The following RP1 variants were observed in gnomAD, a reference collection of about 807,000 sequenced individuals.
RP1 encodes RP1 axonemal microtubule associated.
A neutral mutation model predicts 14.8 loss-of-function variants in RP1; 16 were observed. The observed-to-expected ratio is 1.08, with a 90% CI of 0.73 to 1.65. The LOEUF is 1.65. Ranked by LOEUF, RP1 falls within the 40% of genes most tolerant of loss-of-function variation. The pLI is 0.00. For missense variants in RP1, 2,631 were observed against 2,535.0 expected (o/e 1.04, Z -0.81); for synonymous variants, 876 against 883.6 (o/e 0.99, Z 0.15).
intron 6 of RP1, among the ~76,000 whole-genome samples, chr8:54,659,137 A>G (rs911255873): frequency 3.9e-5 from 6 of 152,154 alleles, no homozygotes; most frequent in African/African-American, 1.2e-4. Flanking sequence ...CTCATCAGAT[A>G]TATGATTGGG....
At chr8:54,741,746 T>TATAG (rs1214749376) in intron 19 of RP1, among the ~76,000 whole-genome samples, 2 of 140,454 alleles carry the variant, frequency 1.4e-5, no homozygotes, top group Non-Finnish European at 3.1e-5. Flanking sequence ...TATATATATA[T>TATAG]ATATGTTTAT....
chr8:54,601,997 C>G (rs1220222973), intron 1 of RP1, among the ~76,000 whole-genome samples: 1 of 152,162 alleles, frequency 6.6e-6, no homozygotes. Context: ...TCATTGTAAT[C>G]TTGGAACAAC....
At chr8:54,866,679 T>C (rs539333783) in intron 28 of RP1, among the ~76,000 whole-genome samples, 3 of 152,288 alleles carry the variant, frequency 2.0e-5, no homozygotes, top group Non-Finnish European at 4.4e-5. Context: ...CCACCCACCA[T>C]ATCAAGAAGT....
intron 1 of RP1, among the ~76,000 whole-genome samples, chr8:54,565,203 G>C (rs964539997): frequency 5.3e-5 from 8 of 152,198 alleles, no homozygotes; most frequent in Admixed American, 2.0e-4. Context: ...TGCTACCTGT[G>C]ATCTGCTCAG....
intron 19 of RP1, among the ~76,000 whole-genome samples, chr8:54,742,169 T>C (rs1019411849): frequency 6.6e-6 from 1 of 152,108 alleles, no homozygotes; most frequent in Non-Finnish European, 1.5e-5. Flanking sequence ...AGCACTAGAT[T>C]ATAGTGGAGT....
intron 1 of RP1, among the ~76,000 whole-genome samples, chr8:54,606,976 G>A (rs1471458598): frequency 4.6e-5 from 7 of 151,934 alleles, no homozygotes; most frequent in African/African-American, 1.2e-4. Flanking sequence ...TAACTTCTTT[G>A]CCATGGGTTC....
rs187619506 is a variant in RP1, at chr8:54,646,593, T to A, written c.788-2392T>A. Among the ~76,000 whole-genome samples the A allele has an allele frequency of 3.4e-4, 52 of 152,366 alleles. 1 individual carries two copies. Among genetic ancestry groups the A allele is most frequent in the Admixed American group, 3.2e-3 (49 of 15,302 alleles). ...AAACTGAAAGATGAATCTTCGTTCATGATCTTTAGATTCTACTCCAGTTTT... is the reference window on the plus strand; with the variant it reads ...AAACTGAAAGATGAATCTTCGTTCAAGATCTTTAGATTCTACTCCAGTTTT... On this transcript the variant is annotated intron_variant, in intron 3 of 22. Transcript: ENST00000636932.
At chr8:54,608,638 T>C (rs1355979394) in intron 1 of RP1, among the ~76,000 whole-genome samples, 2 of 152,194 alleles carry the variant, frequency 1.3e-5, no homozygotes, top group African/African-American at 4.8e-5. Flanking sequence ...GGCACACATT[T>C]TCCTATAACA....
At chr8:54,693,523 A>G (rs950201974) in intron 12 of RP1, among the ~76,000 whole-genome samples, 2 of 152,098 alleles carry the variant, frequency 1.3e-5, no homozygotes, top group African/African-American at 4.8e-5. Context: ...CTCCTTGAAG[A>G]GGTCCTTCCT....
chr8:54,634,286 A>T (rs964025362), downstream of RP1, among the ~76,000 whole-genome samples: 1 of 152,238 alleles, frequency 6.6e-6, no homozygotes, highest in Non-Finnish European at 1.5e-5. Flanking sequence ...TTATTAACAT[A>T]TACAATGGGC....
exon 15 of RP1, chr8:54,706,559 G>T: frequency 2.0e-6 from 3 of 1,536,026 alleles, no homozygotes; most frequent in Non-Finnish European, 2.6e-6. Flanking sequence ...AATCCTACTG[G>T]AAAGTGCATA....
chr8:54,669,640 G>A (rs748246307), intron 7 of RP1, among the ~76,000 whole-genome samples: 1 of 152,104 alleles, frequency 6.6e-6, no homozygotes. Flanking sequence ...ATGTCCATCA[G>A]TGATAGACTG....
intron 22 of RP1, among the ~76,000 whole-genome samples, chr8:54,761,770 G>A (rs548633430): frequency 3.3e-5 from 5 of 152,280 alleles, no homozygotes; most frequent in Admixed American, 2.6e-4. Context: ...GCTCATTCAT[G>A]TAATACCCTG....
chr8:54,766,945 C>A (rs907642784), intron 22 of RP1, among the ~76,000 whole-genome samples: 7 of 152,276 alleles, frequency 4.6e-5, no homozygotes, highest in African/African-American at 1.4e-4. Flanking sequence ...ACTTCTCAAG[C>A]CACACTGCTC....
At chr8:54,853,200 G>A (rs1281270310) in intron 26 of RP1, among the ~76,000 whole-genome samples, 2 of 152,148 alleles carry the variant, frequency 1.3e-5, no homozygotes, top group African/African-American at 4.8e-5. Flanking sequence ...AGTCTGAGAT[G>A]CTGTTCAGAG....
intron 25 of RP1, among the ~76,000 whole-genome samples, chr8:54,846,376 C>G (rs757273585): frequency 1.3e-5 from 2 of 152,126 alleles, no homozygotes; most frequent in Non-Finnish European, 2.9e-5. Context: ...AAAATATAAC[C>G]TTTTTCCTTC....
chr8:54,749,618 A>G (rs529391529), intron 19 of RP1, among the ~76,000 whole-genome samples: 2 of 152,272 alleles, frequency 1.3e-5, no homozygotes, highest in African/African-American at 4.8e-5. Context: ...TAAAGCCTTC[A>G]AGAGGAGTTG....
In RP1 at chr8:54,708,385, C is replaced by A. The variant is rs564745739; in HGVS notation, c.2211+1730C>A. Among the ~76,000 whole-genome samples the A allele has an allele frequency of 2.1e-5, 3 of 144,674 alleles. No homozygotes were observed. The South Asian group carries it at 6.5e-4, about 32-fold the overall frequency. 94.9% of individuals were successfully genotyped at this position (144,674 alleles called of 152,430 possible). On this transcript the variant is annotated intron_variant, in intron 15 of 22. Transcript: ENST00000636932. ...TTTTTTTTCTTTTTTGAGACATAGT[C>A]TCACTCTGTTGCCCAGGCTAGAGTG...
chr8:54,645,257 C>T (rs1366405184), intron 3 of RP1, among the ~76,000 whole-genome samples: 1 of 152,078 alleles, frequency 6.6e-6, no homozygotes, highest in African/African-American at 2.4e-5. Flanking sequence ...AATGGAATTT[C>T]GGGGATATAT....
Sources: gnomAD v4.1 joint callset for allele counts (sites outside exome capture counted in the v4.1 genomes callset) on GRCh38, gnomAD v4.1.1 for gene constraint, MANE v1.5 for transcripts, NCBI Gene and HGNC (gene_info 2026-07-23, HGNC 2026-07-21) for gene names.